Variants in SHISA9 observed in about 807,000 individuals in gnomAD.
SHISA9 encodes shisa family member 9.
A neutral mutation model predicts 38.0 loss-of-function variants in SHISA9; 13 were observed. The ratio of observed to expected loss-of-function variants is 0.34; its 90% CI spans 0.22 to 0.54. The LOEUF is 0.54. Among genes scored for constraint, SHISA9 ranks in the 20% least tolerant of loss-of-function variants. The probability of loss-of-function intolerance (pLI) is 0.91; values close to 1 mark genes in which losing one functional copy is unlikely to be tolerated. For synonymous variants in SHISA9, 275 were observed against 242.0 expected, an observed-to-expected ratio of 1.14 and a Z score of -1.27; for missense variants, 538 against 575.8, an observed-to-expected ratio of 0.93 and a Z score of 0.67.
chr16:13,185,876 A>G (rs2050816501), intron 2 of SHISA9, among the ~76,000 whole-genome samples: 1 of 152,234 alleles, frequency 6.6e-6, no homozygotes, highest in African/African-American at 2.4e-5. Context: ...TAAAATGGCT[A>G]GGTTGTTTTA....
At chr16:13,115,180 A>G (rs74460191) in intron 2 of SHISA9, among the ~76,000 whole-genome samples, 6,829 of 152,264 alleles carry the variant, frequency 0.045, 521 homozygotes, top group African/African-American at 0.15. Context: ...CAAAATATTT[A>G]ACAACCCATA....
chr16:13,092,393 C>G (rs1014382010), intron 2 of SHISA9, among the ~76,000 whole-genome samples: 2 of 152,230 alleles, frequency 1.3e-5, no homozygotes, highest in Admixed American at 6.5e-5. Context: ...CAGAAGTTGT[C>G]TGCTGCCTTT....
chr16:13,367,707 C>CGT, the SHISA9 span, among the ~76,000 whole-genome samples: 7 of 123,208 alleles, frequency 5.7e-5, no homozygotes, highest in South Asian at 5.6e-4. Context: ...TGCGCGCGCG[C>CGT]GCGCGCACAC....
At chr16:12,968,288 A>G (rs2072008549) in intron 2 of SHISA9, among the ~76,000 whole-genome samples, 1 of 150,474 alleles carries the variant, frequency 6.6e-6, no homozygotes, top group African/African-American at 2.5e-5. Flanking sequence ...GCTGGGACAC[A>G]TTTGTCACTA....
chr16:13,395,997 A>G, the SHISA9 span, among the ~76,000 whole-genome samples: 1 of 152,210 alleles, frequency 6.6e-6, no homozygotes, highest in South Asian at 2.1e-4. Context: ...TATTTGAAAC[A>G]CGGCCCTGAA....
chr16:13,494,814 G>A, the SHISA9 span, among the ~76,000 whole-genome samples: 13 of 152,160 alleles, frequency 8.5e-5, no homozygotes, highest in Non-Finnish European at 1.9e-4. Flanking sequence ...GTGCATGAAT[G>A]TTCATAGAAG....
the SHISA9 span, among the ~76,000 whole-genome samples, chr16:13,257,130 C>G: frequency 6.6e-6 from 1 of 152,194 alleles, no homozygotes; most frequent in Non-Finnish European, 1.5e-5. Flanking sequence ...TTTGTGTTTT[C>G]TGCCTTTTTT....
intron 2 of SHISA9, among the ~76,000 whole-genome samples, chr16:12,971,218 C>G (rs1364329135): frequency 6.6e-6 from 1 of 152,322 alleles, no homozygotes; most frequent in East Asian, 1.9e-4. Flanking sequence ...CCCTTATCCC[C>G]CCTCCAAATC....
At chr16:13,167,345 C>G (rs1365447457) in intron 2 of SHISA9, among the ~76,000 whole-genome samples, 1 of 152,108 alleles carries the variant, frequency 6.6e-6, no homozygotes, top group African/African-American at 2.4e-5. Context: ...GTGCTGGGAT[C>G]ACAGGCGTGA....
intron 1 of SHISA9, among the ~76,000 whole-genome samples, chr16:12,915,846 AT>A (rs573082742): frequency 8.5e-5 from 13 of 152,308 alleles, no homozygotes; most frequent in African/African-American, 2.9e-4. Context: ...ACCTACAAAA[AT>A]ATATATCTTT....
the SHISA9 span, among the ~76,000 whole-genome samples, chr16:13,456,200 G>T: frequency 0.54 from 82,607 of 151,918 alleles, 23,312 homozygotes; most frequent in East Asian, 0.9. Context: ...CACTATGTCC[G>T]GGACACATGA....
intron 2 of SHISA9, among the ~76,000 whole-genome samples, chr16:12,998,500 A>G (rs1022716709): frequency 2.0e-5 from 3 of 152,144 alleles, no homozygotes; most frequent in Non-Finnish European, 2.9e-5. Flanking sequence ...GATGTTTTTC[A>G]TAGCACCTTC....
intron 2 of SHISA9, among the ~76,000 whole-genome samples, chr16:13,137,973 T>G (rs2050365115): frequency 6.6e-6 from 1 of 152,180 alleles, no homozygotes; most frequent in Non-Finnish European, 1.5e-5. Context: ...TCTCAGATGT[T>G]ACATGAATGA....
chr16:13,337,628 A>C, the SHISA9 span, among the ~76,000 whole-genome samples: 2 of 152,280 alleles, frequency 1.3e-5, no homozygotes, highest in African/African-American at 4.8e-5. Flanking sequence ...TTCTTGATGC[A>C]AATTTTAAAA....
At chr16:13,462,452 A>G in the SHISA9 span, among the ~76,000 whole-genome samples, 1 of 152,204 alleles carries the variant, frequency 6.6e-6, no homozygotes, top group Admixed American at 6.5e-5. Context: ...GGTGAGGCCT[A>G]GATTTCAGAG....
chr16:13,474,627 T>A, the SHISA9 span, among the ~76,000 whole-genome samples: 1 of 152,044 alleles, frequency 6.6e-6, no homozygotes, highest in Admixed American at 6.6e-5. Flanking sequence ...AACAAATAAA[T>A]AAAATAAAAA....
chr16:12,937,801 G>C (rs1173849250), intron 2 of SHISA9, among the ~76,000 whole-genome samples: 1 of 152,186 alleles, frequency 6.6e-6, no homozygotes, highest in East Asian at 1.9e-4. Context: ...GGGGGTTAGG[G>C]TTTCAACATA....
the SHISA9 span, among the ~76,000 whole-genome samples, chr16:13,469,617 C>G: frequency 6.6e-6 from 1 of 152,186 alleles, no homozygotes; most frequent in African/African-American, 2.4e-5. Flanking sequence ...CTTCTCCCAC[C>G]CATGCTTCTT....
At chr16:13,204,948 T>C (rs542208551) in intron 3 of SHISA9, 18 of 152,330 alleles carry the variant, frequency 1.2e-4, no homozygotes, top group African/African-American at 4.3e-4. Flanking sequence ...ACCCTGACAG[T>C]GACTGAGGCT....
Sources: allele counts gnomAD v4.1 joint callset (sites outside exome capture counted in the v4.1 genomes callset), GRCh38; gene constraint gnomAD v4.1.1; transcripts MANE v1.5; gene names NCBI Gene and HGNC (gene_info 2026-07-23, HGNC 2026-07-21).